ZNF212: variants seen among roughly 807,000 people sequenced by gnomAD.
ZNF212 encodes the protein Zinc finger protein C2H2-150.
A neutral mutation model predicts 47.3 loss-of-function variants in ZNF212; 32 were observed. The observed-to-expected ratio is 0.68, with a 90% CI of 0.51 to 0.91. ZNF212 has a LOEUF of 0.91. ZNF212 is among the 40% of genes least tolerant of loss of function. The pLI, the probability that ZNF212 is intolerant of heterozygous loss-of-function variation, is 0.00. For missense variants in ZNF212, 555 were observed against 622.8 expected (o/e 0.89, Z 1.16); for synonymous variants, 242 against 253.8 (o/e 0.95, Z 0.44).
chr7:149,245,542 C>G (rs1243045911), intron 1 of ZNF212, among the ~76,000 whole-genome samples: 2 of 152,056 alleles, frequency 1.3e-5, no homozygotes, highest in Non-Finnish European at 2.9e-5. Flanking sequence ...GACAGAATCT[C>G]TCTCTGTCAC....
chr7:149,244,261 C>T (rs1339834722), intron 1 of ZNF212, among the ~76,000 whole-genome samples: 1 of 151,912 alleles, frequency 6.6e-6, no homozygotes. Flanking sequence ...CCACATGTGA[C>T]TAGTGGATAT....
Position 149,254,545 on chromosome 7 carries a change from C to T in ZNF212, c.*130C>T. 6 of 1,338,878 alleles carry T rather than the reference C, an allele frequency of 4.5e-6. No individual in the cohort carries two copies. The highest frequency in any genetic ancestry group is 5.9e-6 in the Non-Finnish European group (6 of 1,011,446). 82.9% of individuals were successfully genotyped at this position (1,338,878 alleles called of 1,614,324 possible). On this transcript the variant is annotated 3_prime_UTR_variant, in exon 5 of 5. Coordinates refer to ENST00000335870, the MANE Select transcript of ZNF212 (RefSeq NM_012256.4). This position sits in a 1 kb window ranked among gnomAD's most constrained non-coding sequence, Gnocchi z 4.5. ...TGATTGCCTTCCCTTGTCCCAGTAC[C>T]AAGCCAAGCCCAAAGGCTGTCCTGA... is the stretch of plus-strand genomic sequence containing the variant.
chr7:149,244,770 A>T (rs1563187584), intron 1 of ZNF212, among the ~76,000 whole-genome samples: 1 of 152,078 alleles, frequency 6.6e-6, no homozygotes, highest in Non-Finnish European at 1.5e-5. Context: ...GTAGACTGAG[A>T]TTGTAGGTAA....
At chr7:149,246,678 C>CTGTGCCTGG (rs1304335329) in intron 1 of ZNF212, among the ~76,000 whole-genome samples, 1 of 152,130 alleles carries the variant, frequency 6.6e-6, no homozygotes, top group Non-Finnish European at 1.5e-5. Flanking sequence ...GTGTGAGCCA[C>CTGTGCCTGG]TGTGCCTGGC....
chr7:149,250,583 G>C, intron 2 of ZNF212, 35 bp downstream of exon 2: 1 of 1,603,750 alleles, frequency 6.2e-7, no homozygotes, highest in Non-Finnish European at 8.5e-7. Context: ...TAGAAGAGAA[G>C]GGGGAGCCAG....
In ZNF212 at chr7:149,250,392, C is replaced by T. The variant is rs138966158; in HGVS notation, c.258C>T (p.Phe86=). 48 of 1,613,994 alleles carry T rather than the reference C, an allele frequency of 3.0e-5. No homozygotes were observed. The African/African-American group carries it at 4.8e-4, about 16-fold the overall frequency. ...ACTGCGAGAAGATGGCCGTGGAGTTCGGGAACCAGCTGGAGGGCAAGTGGG... is the reference window on the plus strand; with the variant it reads ...ACTGCGAGAAGATGGCCGTGGAGTTTGGGAACCAGCTGGAGGGCAAGTGGG... ...LADCEKMAVE[F]GNQLEGKWAV... is the part of the protein sequence containing the mutation. Residue 86 remains phenylalanine, a synonymous_variant, in exon 2 of 5, where the codon TTC becomes TTT. Transcript: ENST00000335870.
At chr7:149,240,389 C>A (rs747826398) in intron 1 of ZNF212, among the ~76,000 whole-genome samples, 1 of 150,390 alleles carries the variant, frequency 6.6e-6, no homozygotes, top group Non-Finnish European at 1.5e-5. Context: ...TTCACCCCCC[C>A]CCCAACACCC....
In ZNF212 at chr7:149,254,089, C is replaced by G. The variant is rs1796799913; in HGVS notation, c.1162C>G (p.Gln388Glu). The change falls in exon 5 of 5, where the codon CAG becomes GAG. Residue 388 changes from glutamine to glutamate, a missense_variant. Gln to Glu is a conservative substitution (Grantham distance 29, BLOSUM62 2). Coordinates refer to ENST00000335870, the MANE Select transcript of ZNF212 (RefSeq NM_012256.4). This position sits in a 1 kb window ranked among gnomAD's most constrained non-coding sequence, Gnocchi z 4.5. Reference sequence around the variant, plus strand: ...CTGCAAGGTGAGCCTGGTGACCCATCAGCGTTGCCACCTGCAGGAGGGGCC... The same window carrying G: ...CTGCAAGGTGAGCCTGGTGACCCATGAGCGTTGCCACCTGCAGGAGGGGCC... Reference protein sequence around the residue: ...FSCKVSLVTHQRCHLQEGPSA... With the variant: ...FSCKVSLVTHERCHLQEGPSA... The G allele has an allele frequency of 6.2e-7, 1 of 1,612,804 alleles. No homozygotes were observed. Among genetic ancestry groups the G allele is most frequent in the African/African-American group, 1.3e-5 (1 of 74,904 alleles).
intron 2 of ZNF212, 25 bp downstream of exon 2, chr7:149,250,573 TAGAAG>T (rs574964419): frequency 5.2e-5 from 84 of 1,604,336 alleles, no homozygotes; most frequent in Middle Eastern, 1.7e-4. Flanking sequence ...GATTAAAAGT[TAGAAG>T]AGAAGGGGGA....
Position 149,254,572 on chromosome 7 carries a change from A to C in ZNF212, c.*157A>C. On this transcript the variant is annotated 3_prime_UTR_variant, in exon 5 of 5. Transcript: ENST00000335870. This position sits in a 1 kb window ranked among gnomAD's most constrained non-coding sequence, Gnocchi z 4.5. ...AGCCAAGCCCAAAGGCTGTCCTGAAAACCCTGTGGAAGAAGAGTCCAGGCC... is the reference window on the plus strand; with the variant it reads ...AGCCAAGCCCAAAGGCTGTCCTGAACACCCTGTGGAAGAAGAGTCCAGGCC... 8.5e-7 allele frequency: 1 copy of C among 1,183,198 alleles called. No individual in the cohort carries two copies. Among genetic ancestry groups the C allele is most frequent in the Non-Finnish European group, 1.1e-6 (1 of 875,032 alleles). The allele number at this position is 1,183,198 out of a possible 1,614,324, so 73.3% of individuals were successfully genotyped here. A position where few individuals can be genotyped will look rare whatever the true frequency, so the allele number is the denominator to read the frequency against.
At position 149,253,600 on chromosome 7, in the gene ZNF212, G is replaced by A. The variant is rs117392089; in HGVS notation, c.673G>A (p.Glu225Lys). Residue 225 changes from glutamate (E) to lysine (K), a missense_variant, in exon 5 of 5, where the codon GAA becomes AAA. By Grantham distance (56) the Glu-to-Lys change is moderately conservative. Transcript: ENST00000335870. ...CAAACAGGAGCTACAGTATACACAG[G>A]AAGGCCCTGCGGATCTTCCTGGAGA... Reference protein sequence around the residue: ...MIKQELQYTQEGPADLPGEFS... With the variant: ...MIKQELQYTQKGPADLPGEFS... 4,238 of 1,613,874 alleles carry A rather than the reference G, an allele frequency of 2.6e-3. 25 individuals carry two copies. Among genetic ancestry groups the A allele is most frequent in the Middle Eastern group, 0.017 (105 of 6,062 alleles).
At chr7:149,248,148 C>T (rs970938319) in intron 1 of ZNF212, among the ~76,000 whole-genome samples, 20 of 152,100 alleles carry the variant, frequency 1.3e-4, no homozygotes, top group African/African-American at 4.8e-4. Flanking sequence ...ACCCAAACAC[C>T]TCCCACGAGA....
chr7:149,240,185 G>A (rs1164914641), intron 1 of ZNF212: 2 of 216,476 alleles, frequency 9.2e-6, no homozygotes, highest in African/African-American at 4.6e-5. Flanking sequence ...CTGCCCGGGA[G>A]ACCCCAGGAC....
intron 1 of ZNF212, among the ~76,000 whole-genome samples, chr7:149,240,261 T>A (rs1796568150): frequency 6.6e-6 from 1 of 152,220 alleles, no homozygotes; most frequent in East Asian, 1.9e-4. Context: ...GCTGCAGATT[T>A]CTGTCTGGGG....
chr7:149,240,617 C>T (rs1585589354), intron 1 of ZNF212, among the ~76,000 whole-genome samples: 1 of 152,188 alleles, frequency 6.6e-6, no homozygotes, highest in East Asian at 1.9e-4. Context: ...AAGTTTCCTT[C>T]CAGCTCCGAC....
intron 1 of ZNF212, among the ~76,000 whole-genome samples, chr7:149,249,691 G>T (rs965272071): frequency 6.6e-6 from 1 of 152,108 alleles, no homozygotes; most frequent in African/African-American, 2.4e-5. Context: ...GCACTGGCAC[G>T]ATCTTGGCTC....
At chr7:149,239,889 C>A in intron 1 of ZNF212, 87 bp downstream of exon 1, 1 of 1,253,024 alleles carries the variant, frequency 8.0e-7, no homozygotes, top group Non-Finnish European at 1.0e-6. Flanking sequence ...GTTTGGACGC[C>A]GCCGGGGTCT....
intron 1 of ZNF212, among the ~76,000 whole-genome samples, chr7:149,247,059 G>T (rs576741625): frequency 1.3e-4 from 19 of 147,304 alleles, no homozygotes; most frequent in African/African-American, 4.8e-4. Context: ...TGATCCGCCC[G>T]CCTCGGCCTC....
At chr7:149,253,163 A>C (rs948801917) in intron 4 of ZNF212, among the ~76,000 whole-genome samples, 2 of 152,044 alleles carry the variant, frequency 1.3e-5, no homozygotes, top group South Asian at 2.1e-4. Context: ...GAGGAAGAAC[A>C]GAGCTGGACA....
Sources: allele counts gnomAD v4.1 joint callset (sites outside exome capture counted in the v4.1 genomes callset), GRCh38; gene constraint gnomAD v4.1.1; non-coding constraint Gnocchi (gnomAD v3.1); transcripts MANE v1.5; gene names NCBI Gene and HGNC (gene_info 2026-07-23, HGNC 2026-07-21).